The following MRPS16 variants were observed in gnomAD, a reference collection of about 807,000 sequenced individuals.
MRPS16 encodes the protein small ribosomal subunit protein bS16m.
A neutral mutation model predicts 11.0 loss-of-function variants in MRPS16; 5 were observed. That is an observed-to-expected ratio of 0.46 (90% confidence interval 0.24 to 0.96). The LOEUF is 0.96. Among genes scored for constraint, MRPS16 ranks in the 40% least tolerant of loss-of-function variants. The pLI is 0.20. For synonymous variants in MRPS16, 76 were observed against 65.0 expected (o/e 1.17, Z -0.81); for missense variants, 179 against 174.4 (o/e 1.03, Z -0.15).
intron 2 of MRPS16, 113 bp from the exon 3 acceptor site, chr10:73,251,104 C>G: frequency 1.6e-6 from 2 of 1,269,290 alleles, no homozygotes; most frequent in Non-Finnish European, 2.3e-6. Flanking sequence ...TGGATGCAAA[C>G]CATGCTCCTC....
intron 1 of MRPS16, 189 bp downstream of exon 1, chr10:73,252,281 C>A: frequency 9.2e-7 from 1 of 1,086,098 alleles, no homozygotes; most frequent in Non-Finnish European, 1.3e-6. Flanking sequence ...TTAGCTGCTT[C>A]AATGGGGTGG....
rs532500193 is a variant in MRPS16, at chr10:73,249,004, G to A, written c.*1848C>T. On this transcript the variant is annotated 3_prime_UTR_variant, in exon 3 of 3. Coordinates refer to ENST00000372945, the MANE Select transcript of MRPS16 (RefSeq NM_016065.4). ...AACAATCACAGTTCACTGCAGCATC[G>A]GCCTCCTGGGCTCAAGTGATCTTAC... is the stretch of plus-strand genomic sequence containing the variant. 8 of 579,098 alleles carry A rather than the reference G, an allele frequency of 1.4e-5. No homozygotes were observed. The highest frequency in any genetic ancestry group is 6.3e-5 in the South Asian group (4 of 63,952). The allele number at this position is 579,098 out of a possible 1,614,324, so 35.9% of individuals were successfully genotyped here.
chr10:73,252,010 G>A lies in MRPS16; in HGVS notation c.27C>T (p.Cys9=). The change falls in exon 2 of 3, where the codon TGC becomes TGT. Residue 9 remains cysteine, a synonymous_variant. Transcript: ENST00000372945. Reference sequence around the variant, plus strand: ...TTAAGTGGCCCCCACGGTAGGCCTTGCAGAGGAGAGTAGCTGTAGAAAAGC... The same window carrying A: ...TTAAGTGGCCCCCACGGTAGGCCTTACAGAGGAGAGTAGCTGTAGAAAAGC... MVHLTTLL[C]KAYRGGHLTI... The A allele has an allele frequency of 6.2e-7, 1 of 1,613,838 alleles. No homozygotes were observed. Among genetic ancestry groups the A allele is most frequent in the Non-Finnish European group, 8.5e-7 (1 of 1,179,846 alleles).
chr10:73,252,250 C>A, intron 1 of MRPS16: 2 of 1,007,728 alleles, frequency 2.0e-6, no homozygotes, highest in Non-Finnish European at 1.5e-6. Context: ...ATTCACTAGG[C>A]TCTGTGACCT....
Position 73,249,064 on chromosome 10 carries a change from G to A in MRPS16, c.*1788C>T. On this transcript the variant is annotated 3_prime_UTR_variant, in exon 3 of 3. Coordinates refer to ENST00000372945, the MANE Select transcript of MRPS16 (RefSeq NM_016065.4). ...TTCCCGAGTAGCTGGAACTATGGGT[G>A]AGCAACACCACAGCCAGCTAATTTT... is the stretch of plus-strand genomic sequence containing the variant. 1 of 600,198 alleles carries A rather than the reference G, an allele frequency of 1.7e-6. No homozygotes were observed. The highest frequency in any genetic ancestry group is 3.1e-6 in the Non-Finnish European group (1 of 324,070). The allele number at this position is 600,198 out of a possible 1,614,324, so 37.2% of individuals were successfully genotyped here. A position where few individuals can be genotyped will look rare whatever the true frequency, so the allele number is the denominator to read the frequency against.
chr10:73,251,557 T>G (rs185982728), intron 2 of MRPS16, among the ~76,000 whole-genome samples: 1 of 152,196 alleles, frequency 6.6e-6, no homozygotes, highest in African/African-American at 2.4e-5. Flanking sequence ...TTTTTTTTAT[T>G]TTTAGTAGAG....
Position 73,249,404 on chromosome 10 carries a change from A to T in MRPS16, c.*1448T>A. 7.5e-7 allele frequency: 1 copy of T among 1,324,570 alleles called. No homozygotes were observed. Among genetic ancestry groups the T allele is most frequent in the Non-Finnish European group, 1.0e-6 (1 of 956,348 alleles). The allele number at this position is 1,324,570 out of a possible 1,614,324, so 82.1% of individuals were successfully genotyped here. On this transcript the variant is annotated 3_prime_UTR_variant, in exon 3 of 3. Coordinates refer to ENST00000372945, the MANE Select transcript of MRPS16 (RefSeq NM_016065.4). ...TACATTCAAACTATAAAGATCCCTTATAGATTACTGGCATCAAGGTAGGAA... is the reference window on the plus strand; with the variant it reads ...TACATTCAAACTATAAAGATCCCTTTTAGATTACTGGCATCAAGGTAGGAA...
rs1333578798 is a variant in MRPS16 at position 73,252,470 on chromosome 10, T to G, written c.13A>C (p.Thr5Pro). 6.2e-7 allele frequency: 1 copy of G among 1,609,320 alleles called. No homozygotes were observed. The highest frequency in any genetic ancestry group is 1.1e-5 in the South Asian group (1 of 91,050). Reference sequence around the variant, plus strand: ...GTCTCGCGGTGGCCCGATGACTCACTGAGGTGGACCATGGTGCCGCCGGCG... The same window carrying G: ...GTCTCGCGGTGGCCCGATGACTCACGGAGGTGGACCATGGTGCCGCCGGCG... MVHLTTLLCKAYRGG... is the reference protein window; with the variant it reads MVHLPTLLCKAYRGG... The change falls in exon 1 of 3, where the codon ACT becomes CCT. Residue 5 changes from threonine to proline, a missense_variant and splice_region_variant. Physicochemically the swap from Thr to Pro is conservative, Grantham distance 38. Coordinates refer to ENST00000372945, the MANE Select transcript of MRPS16 (RefSeq NM_016065.4).
Position 73,252,494 on chromosome 10 carries a change from C to T in MRPS16, c.-12G>A, listed in dbSNP as rs1198939558. ...CTGAGGTGGACCATGGTGCCGCCGG[C>T]GTGCGGCTCCTCGGAGAGCCCCGCT... On this transcript the variant is annotated 5_prime_UTR_variant, in exon 1 of 3. Transcript: ENST00000372945. 5 of 1,607,314 alleles carry T rather than the reference C, an allele frequency of 3.1e-6. No homozygotes were observed. The highest frequency in any genetic ancestry group is 4.2e-6 in the Non-Finnish European group (5 of 1,179,690).
rs1276118305 is a variant in MRPS16, at chr10:73,249,117, C to G, written c.*1735G>C. 1 of 637,990 alleles carries G rather than the reference C, an allele frequency of 1.6e-6. No individual in the cohort carries two copies. Among genetic ancestry groups the G allele is most frequent in the Non-Finnish European group, 2.8e-6 (1 of 357,900 alleles). 39.5% of individuals were successfully genotyped at this position (637,990 alleles called of 1,614,324 possible). ...AAGTTTTTGTAGAGACGGGGTCTTG[C>G]TGTGTTGCACAGGCTGGTCTCAAAC... On this transcript the variant is annotated 3_prime_UTR_variant, in exon 3 of 3. Transcript: ENST00000372945.
Position 73,252,035 on chromosome 10 carries a change from C to G in MRPS16, c.14-12G>C. ...GCAGAGGAGAGTAGCTGTAGAAAAGCAGCTGGTTAGGACACAAAAAACAGC... is the reference window on the plus strand; with the variant it reads ...GCAGAGGAGAGTAGCTGTAGAAAAGGAGCTGGTTAGGACACAAAAAACAGC... On this transcript the variant is annotated splice_polypyrimidine_tract_variant and intron_variant, in intron 1 of 2. Transcript: ENST00000372945. 6.2e-7 allele frequency: 1 copy of G among 1,611,016 alleles called. No homozygotes were observed. The highest frequency in any genetic ancestry group is 8.5e-7 in the Non-Finnish European group (1 of 1,178,494).
In MRPS16 at chr10:73,250,863, T is replaced by G; in HGVS notation, c.403A>C (p.Thr135Pro). ...TDAEATDTEA[T>P]ET ...TAAAGTCAGCTCATTTATGTTTCTG[T>G]AGCCTCTGTATCTGTAGCTTCTGCA... Residue 135 changes from threonine (T) to proline (P), a missense_variant, in exon 3 of 3, where the codon ACA becomes CCA. By Grantham distance (38) the Thr-to-Pro change is conservative (BLOSUM62 -1). Coordinates refer to ENST00000372945, the MANE Select transcript of MRPS16 (RefSeq NM_016065.4). 2 of 1,614,054 alleles carry G rather than the reference T, an allele frequency of 1.2e-6. No homozygotes were observed. The highest frequency in any genetic ancestry group is 2.2e-5 in the East Asian group (1 of 44,888).
intron 2 of MRPS16, among the ~76,000 whole-genome samples, 159 bp downstream of exon 2, chr10:73,251,604 C>G (rs140714133): frequency 6.6e-6 from 1 of 152,210 alleles, no homozygotes; most frequent in African/African-American, 2.4e-5. Context: ...TGGTCTCAAA[C>G]TCTTGACCTC....
Position 73,249,550 on chromosome 10 carries a change from G to A in MRPS16, c.*1302C>T. 2.0e-6 allele frequency: 1 copy of A among 501,904 alleles called. No individual in the cohort carries two copies. Among genetic ancestry groups the A allele is most frequent in the East Asian group, 3.4e-5 (1 of 29,794 alleles). 31.1% of individuals were successfully genotyped at this position (501,904 alleles called of 1,614,324 possible). A position where few individuals can be genotyped will look rare whatever the true frequency, so the allele number is the denominator to read the frequency against. ...GCTCCATAAAATTACCAGCAAGAAAGAAAAGTACAAGAATAAGGTTCACAG... is the reference window on the plus strand; with the variant it reads ...GCTCCATAAAATTACCAGCAAGAAAAAAAAGTACAAGAATAAGGTTCACAG... On this transcript the variant is annotated 3_prime_UTR_variant, in exon 3 of 3. Coordinates refer to ENST00000372945, the MANE Select transcript of MRPS16 (RefSeq NM_016065.4).
chr10:73,251,383 T>C (rs890365223), intron 2 of MRPS16, among the ~76,000 whole-genome samples: 5 of 152,032 alleles, frequency 3.3e-5, no homozygotes, highest in Admixed American at 1.3e-4. Context: ...AACTCTTTTT[T>C]TTTTTTCTTT....
Position 73,249,279 on chromosome 10 carries a change from C to A in MRPS16, c.*1573G>T. The A allele has an allele frequency of 6.5e-7, 1 of 1,549,446 alleles. No individual in the cohort carries two copies. Among genetic ancestry groups the A allele is most frequent in the Non-Finnish European group, 8.7e-7 (1 of 1,146,336 alleles). ...ATTCTTGATGTTGAATTTCATCTCA[C>A]TGACTTCAGGCTTTTAAAACACATG... On this transcript the variant is annotated 3_prime_UTR_variant, in exon 3 of 3. Coordinates refer to ENST00000372945, the MANE Select transcript of MRPS16 (RefSeq NM_016065.4).
In MRPS16 at chr10:73,249,380, ACATT is replaced by A; in HGVS notation, c.*1468_*1471del. 6.8e-7 allele frequency: 1 copy of A among 1,461,864 alleles called. No homozygotes were observed. The highest frequency in any genetic ancestry group is 9.3e-7 in the Non-Finnish European group (1 of 1,072,814). The allele number at this position is 1,461,864 out of a possible 1,614,324, so 90.6% of individuals were successfully genotyped here. On this transcript the variant is annotated 3_prime_UTR_variant, in exon 3 of 3. Transcript: ENST00000372945. ...TAAAGTATACTGAAGTTATTCAAATACATTCAAACTATAAAGATCCCTTATAGAT... is the reference window on the plus strand; with the variant it reads ...TAAAGTATACTGAAGTTATTCAAATACAAACTATAAAGATCCCTTATAGAT...
chr10:73,250,975 G>GA lies in MRPS16; in HGVS notation c.290dup (p.Leu99SerfsTer10), dbSNP rs763983826. The stretch of plus-strand genomic sequence containing the variant: ...TTGTGATCATCATAGGATGCAGAGG[G>GA]AAAAAGCCAGCAAGACCTAAAAGTA... On this transcript the variant is annotated frameshift_variant, in exon 3 of 3. Coordinates refer to ENST00000372945, the MANE Select transcript of MRPS16 (RefSeq NM_016065.4). LOFTEE classifies it high-confidence loss of function. The GA allele has an allele frequency of 6.2e-6, 10 of 1,614,006 alleles. No homozygotes were observed. In the Admixed American group the frequency reaches 1.7e-4, roughly 27 times the overall value.
rs2133446985 is a variant in MRPS16 at position 73,252,574 on chromosome 10, A to C, written c.-92T>G. 2 of 1,547,124 alleles carry C rather than the reference A, an allele frequency of 1.3e-6. No individual in the cohort carries two copies. The highest frequency in any genetic ancestry group is 2.4e-5 in the East Asian group (1 of 42,174). ...CAGGGCAGAGAACAAACACAGAAAGAACCTGCAAGCCGACACCAGGCCGCA... is the reference window on the plus strand; with the variant it reads ...CAGGGCAGAGAACAAACACAGAAAGCACCTGCAAGCCGACACCAGGCCGCA... On this transcript the variant is annotated 5_prime_UTR_variant, in exon 1 of 3. Transcript: ENST00000372945.
Sources: gnomAD v4.1 joint callset for allele counts (sites outside exome capture counted in the v4.1 genomes callset) on GRCh38, gnomAD v4.1.1 for gene constraint, MANE v1.5 for transcripts, NCBI Gene and HGNC (gene_info 2026-07-23, HGNC 2026-07-21) for gene names.